Variants in RBFOX1 observed in about 807,000 individuals in gnomAD.
RBFOX1 encodes the protein RNA binding fox-1 homolog 1, also known as RNA binding protein fox-1 homolog 1.
RBFOX1 carries 8 observed loss-of-function variants against 57.7 expected under a neutral mutation model. The observed-to-expected ratio is 0.14, with a 90% CI of 0.08 to 0.25. The LOEUF (loss-of-function observed/expected upper bound fraction) is 0.25. RBFOX1 is among the 10% of genes least tolerant of loss of function. The pLI, the probability that RBFOX1 is intolerant of heterozygous loss-of-function variation, is 1.00. For missense variants in RBFOX1, 611 were observed against 548.5 expected (o/e 1.11, Z -1.14); for synonymous variants, 326 against 222.4 (o/e 1.47, Z -4.15).
chr16:7,320,433 A>G (rs575484186), intron 4 of RBFOX1, among the ~76,000 whole-genome samples: 1 of 152,302 alleles, frequency 6.6e-6, no homozygotes, highest in South Asian at 2.1e-4. Flanking sequence ...GCTGCATAGT[A>G]TTCCATGGTG....
At chr16:6,513,852 G>C (rs991283266) in intron 2 of RBFOX1, among the ~76,000 whole-genome samples, 13 of 152,302 alleles carry the variant, frequency 8.5e-5, no homozygotes, top group African/African-American at 3.1e-4. Flanking sequence ...GTTCTCATTG[G>C]TTTGGACTAG....
At chr16:7,303,751 C>T (rs1476359869) in intron 4 of RBFOX1, among the ~76,000 whole-genome samples, 1 of 148,674 alleles carries the variant, frequency 6.7e-6, no homozygotes, top group Non-Finnish European at 1.5e-5. Context: ...TCTCTTTACC[C>T]TCCCTCTCGC....
At chr16:6,719,629 G>C (rs2065549782) in intron 3 of RBFOX1, among the ~76,000 whole-genome samples, 1 of 150,982 alleles carries the variant, frequency 6.6e-6, no homozygotes. Flanking sequence ...TGTATTTTTA[G>C]TAGAGATGGG....
At position 5,856,591 on chromosome 16, in the gene RBFOX1, A is replaced by G. The variant is rs1429153454; in HGVS notation, c.319-10712A>G. 4.4e-4 allele frequency among the ~76,000 whole-genome samples: 42 copies of G among 96,080 alleles called. 4 individuals carry two copies. Among genetic ancestry groups the G allele is most frequent in the African/African-American group, 1.1e-3 (28 of 26,438 alleles). The allele number at this position is 96,080 out of a possible 152,430, so 63.0% of individuals were successfully genotyped here. On this transcript the variant is annotated intron_variant, in intron 3 of 19. Coordinates refer to the RBFOX1 transcript ENST00000641259. Reference sequence around the variant, plus strand: ...TGTGTGTGTGTATATATATATATATATATATATATATATAATCTTAGCCAG... The same window carrying G: ...TGTGTGTGTGTATATATATATATATGTATATATATATATAATCTTAGCCAG...
chr16:5,576,795 A>G (rs958302921), intron 2 of RBFOX1, among the ~76,000 whole-genome samples: 1 of 152,208 alleles, frequency 6.6e-6, no homozygotes, highest in African/African-American at 2.4e-5. Context: ...TCAGCTTCAG[A>G]TATCTTGGGG....
chr16:5,383,328 A>G (rs1165038274), intron 1 of RBFOX1, among the ~76,000 whole-genome samples: 1 of 152,194 alleles, frequency 6.6e-6, no homozygotes, highest in Non-Finnish European at 1.5e-5. Context: ...GATGGCTTAC[A>G]AAGATGAGAG....
chr16:5,438,558 C>G (rs1370917751), intron 1 of RBFOX1, among the ~76,000 whole-genome samples: 2 of 152,168 alleles, frequency 1.3e-5, no homozygotes, highest in Non-Finnish European at 2.9e-5. Flanking sequence ...CCCCACCCAG[C>G]TAGTTCTCCT....
chr16:6,138,703 T>A (rs1424950402), intron 1 of RBFOX1, among the ~76,000 whole-genome samples: 1 of 152,032 alleles, frequency 6.6e-6, no homozygotes, highest in Non-Finnish European at 1.5e-5. Flanking sequence ...CCGTCTCTAC[T>A]GAAAATACAA....
chr16:7,134,467 G>A (rs1046131815), intron 4 of RBFOX1, among the ~76,000 whole-genome samples: 1 of 152,180 alleles, frequency 6.6e-6, no homozygotes, highest in Non-Finnish European at 1.5e-5. Context: ...GCATTTTCCA[G>A]TTTGGACTCA....
At chr16:5,527,398 T>G (rs1224219656) in intron 2 of RBFOX1, among the ~76,000 whole-genome samples, 1 of 152,204 alleles carries the variant, frequency 6.6e-6, no homozygotes, top group African/African-American at 2.4e-5. Context: ...ACCGGCTTAA[T>G]GCAGGTGAGG....
At chr16:7,061,921 C>T (rs1277670138) in intron 4 of RBFOX1, among the ~76,000 whole-genome samples, 1 of 152,064 alleles carries the variant, frequency 6.6e-6, no homozygotes, top group African/African-American at 2.4e-5. Flanking sequence ...CTCTAGTTCC[C>T]TCCAGTTGGG....
intron 4 of RBFOX1, among the ~76,000 whole-genome samples, chr16:5,961,715 A>G (rs146322105): frequency 6.6e-5 from 10 of 152,028 alleles, no homozygotes; most frequent in Non-Finnish European, 1.5e-4. Context: ...TTTGGTAGAG[A>G]TGAGGTTTTG....
intron 1 of RBFOX1, among the ~76,000 whole-genome samples, chr16:5,431,798 C>T (rs2067745090): frequency 6.6e-6 from 1 of 152,212 alleles, no homozygotes; most frequent in Non-Finnish European, 1.5e-5. Context: ...AGCCTGGCCT[C>T]TAAGTCCCTC....
At chr16:6,687,488 G>C (rs9941035) in intron 3 of RBFOX1, among the ~76,000 whole-genome samples, 113,338 of 152,128 alleles carry the variant, frequency 0.75, 46,235 homozygotes, top group Non-Finnish European at 0.91. Flanking sequence ...TAAAAGTGGT[G>C]ATCTCTGCTA....
chr16:7,482,969 A>G (rs1453794937), intron 4 of RBFOX1, among the ~76,000 whole-genome samples: 1 of 152,010 alleles, frequency 6.6e-6, no homozygotes, highest in African/African-American at 2.4e-5. Context: ...TGGCTAGGAG[A>G]TCTGAAAATG....
intron 12 of RBFOX1, among the ~76,000 whole-genome samples, chr16:7,657,965 T>A (rs1056887339): frequency 2.6e-5 from 4 of 152,194 alleles, no homozygotes; most frequent in Non-Finnish European, 5.9e-5. Flanking sequence ...TGGGCCCCAA[T>A]ATTCTACCCA....
chr16:5,240,478 G>T (rs1443399484), intron 1 of RBFOX1, among the ~76,000 whole-genome samples: 4 of 152,110 alleles, frequency 2.6e-5, no homozygotes, highest in African/African-American at 9.7e-5. Flanking sequence ...CCCACCTGGC[G>T]GGGGGCTTAT....
At chr16:6,680,867 C>T (rs1050452166) in intron 3 of RBFOX1, among the ~76,000 whole-genome samples, 2 of 152,186 alleles carry the variant, frequency 1.3e-5, no homozygotes, top group African/African-American at 4.8e-5. Flanking sequence ...TTCACTGTTT[C>T]AGCTACCATG....
At chr16:7,693,397 C>A in intron 14 of RBFOX1, 1 of 1,496,276 alleles carries the variant, frequency 6.7e-7, no homozygotes, top group Non-Finnish European at 9.2e-7. Context: ...CTTGATGCAT[C>A]CATCCAAGTC....
Sources: gnomAD v4.1 joint callset for allele counts (sites outside exome capture counted in the v4.1 genomes callset) on GRCh38, gnomAD v4.1.1 for gene constraint, MANE v1.5 for transcripts, NCBI Gene and HGNC (gene_info 2026-07-23, HGNC 2026-07-21) for gene names.